Variants in ADAMTS19 observed in about 807,000 individuals in gnomAD.
ADAMTS19 encodes the protein ADAM metallopeptidase with thrombospondin type 1 motif 19.
ADAMTS19 carries 93 observed loss-of-function variants against 153.3 expected under a neutral mutation model. The ratio of observed to expected loss-of-function variants is 0.61; its 90% CI spans 0.51 to 0.72. ADAMTS19 has a LOEUF of 0.72. Ranked by LOEUF, ADAMTS19 falls within the 30% of genes least tolerant of loss-of-function variation. ADAMTS19 has a pLI of 0.00. For missense variants in ADAMTS19, 1,482 were observed against 1,552.1 expected (o/e 0.95, Z 0.76); for synonymous variants, 600 against 556.6 (o/e 1.08, Z -1.10).
chr5:129,621,752 T>C (rs1751785507), intron 9 of ADAMTS19, among the ~76,000 whole-genome samples: 1 of 152,178 alleles, frequency 6.6e-6, no homozygotes, highest in Non-Finnish European at 1.5e-5. Flanking sequence ...TACAAAGTTG[T>C]ATTACAATGT....
At chr5:129,507,288 A>G (rs1751295814) in intron 2 of ADAMTS19, among the ~76,000 whole-genome samples, 1 of 152,042 alleles carries the variant, frequency 6.6e-6, no homozygotes, top group African/African-American at 2.4e-5. Flanking sequence ...AGAATAACAT[A>G]TTTCTTTATT....
At chr5:129,481,590 A>C (rs759576624) in intron 2 of ADAMTS19, among the ~76,000 whole-genome samples, 33 of 152,186 alleles carry the variant, frequency 2.2e-4, no homozygotes, top group Non-Finnish European at 4.4e-4. Context: ...ACACTGTTAC[A>C]TTTCTTAACA....
intron 7 of ADAMTS19, among the ~76,000 whole-genome samples, chr5:129,561,269 C>T (rs1421102092): frequency 1.3e-5 from 2 of 152,122 alleles, no homozygotes; most frequent in African/African-American, 2.4e-5. Flanking sequence ...TATGTTATTA[C>T]GGTTGACCTG....
At chr5:129,489,847 G>T (rs1264518306) in intron 2 of ADAMTS19, among the ~76,000 whole-genome samples, 1 of 152,072 alleles carries the variant, frequency 6.6e-6, no homozygotes, top group Non-Finnish European at 1.5e-5. Context: ...TTAAGAATCA[G>T]TAAGATACTT....
At chr5:129,693,696 G>A (rs1296230660) in intron 18 of ADAMTS19, among the ~76,000 whole-genome samples, 1 of 152,002 alleles carries the variant, frequency 6.6e-6, no homozygotes, top group Non-Finnish European at 1.5e-5. Context: ...TATAACTCCT[G>A]TAAAGGAAGT....
chr5:129,589,411 A>G (rs945182508), intron 7 of ADAMTS19, among the ~76,000 whole-genome samples: 1 of 152,008 alleles, frequency 6.6e-6, no homozygotes, highest in African/African-American at 2.4e-5. Flanking sequence ...ATACATTATA[A>G]TTACATATAT....
chr5:129,468,935 C>T (rs1749968948), intron 2 of ADAMTS19, among the ~76,000 whole-genome samples: 1 of 152,014 alleles, frequency 6.6e-6, no homozygotes, highest in African/African-American at 2.4e-5. Context: ...TGCCACCACA[C>T]CCAGCTAATT....
At chr5:129,668,067 C>T (rs1014546927) in intron 16 of ADAMTS19, among the ~76,000 whole-genome samples, 3 of 152,192 alleles carry the variant, frequency 2.0e-5, no homozygotes, top group African/African-American at 7.2e-5. Context: ...TACACTATCT[C>T]TGGAGACTCT....
chr5:129,553,624 T>A (rs1259677876), intron 7 of ADAMTS19, among the ~76,000 whole-genome samples: 6 of 152,140 alleles, frequency 3.9e-5, no homozygotes, highest in Non-Finnish European at 8.8e-5. Context: ...GTTTTGCTGA[T>A]TCCTTAGGTT....
intron 6 of ADAMTS19, among the ~76,000 whole-genome samples, chr5:129,547,911 A>T (rs865916100): frequency 4.6e-5 from 7 of 151,040 alleles, no homozygotes; most frequent in African/African-American, 5.0e-5. Flanking sequence ...CCTGACAAAA[A>T]CAAGCAATGG....
chr5:129,626,474 T>C (rs1752054188), intron 10 of ADAMTS19, among the ~76,000 whole-genome samples: 1 of 152,102 alleles, frequency 6.6e-6, no homozygotes, highest in Non-Finnish European at 1.5e-5. Context: ...TGTTTCTCAG[T>C]ATCCTAGGAT....
chr5:129,592,236 C>T (rs1358590038), intron 7 of ADAMTS19, among the ~76,000 whole-genome samples: 7 of 151,658 alleles, frequency 4.6e-5, no homozygotes, highest in African/African-American at 1.7e-4. Context: ...ACAAATTAGC[C>T]GGGTATGGTG....
intron 6 of ADAMTS19, among the ~76,000 whole-genome samples, chr5:129,541,633 C>A (rs1382528005): frequency 2.6e-5 from 4 of 151,974 alleles, no homozygotes; most frequent in Non-Finnish European, 5.9e-5. Context: ...GCTCCTGAGA[C>A]CCTTACCACG....
At chr5:129,546,839 ATGGTTTT>A (rs1263788688) in intron 6 of ADAMTS19, among the ~76,000 whole-genome samples, 1 of 151,134 alleles carries the variant, frequency 6.6e-6, no homozygotes, top group Non-Finnish European at 1.5e-5. Flanking sequence ...ATAAGCCCTG[ATGGTTTT>A]TAAAAGAAAC....
chr5:129,503,005 C>T (rs1460252882), intron 2 of ADAMTS19, among the ~76,000 whole-genome samples: 2 of 152,278 alleles, frequency 1.3e-5, no homozygotes, highest in Non-Finnish European at 2.9e-5. Flanking sequence ...ATTGATAGCT[C>T]TTCACAGGCA....
chr5:129,535,835 G>A (rs1003608088), intron 6 of ADAMTS19, among the ~76,000 whole-genome samples: 1 of 152,090 alleles, frequency 6.6e-6, no homozygotes, highest in African/African-American at 2.4e-5. Flanking sequence ...TTAATAAATG[G>A]TGCTGGGAAA....
At chr5:129,630,688 G>T (rs1427139393) in intron 10 of ADAMTS19, among the ~76,000 whole-genome samples, 1 of 151,724 alleles carries the variant, frequency 6.6e-6, no homozygotes, top group African/African-American at 2.4e-5. Flanking sequence ...TAGGACACCA[G>T]GAGCATGAAC....
intron 21 of ADAMTS19, among the ~76,000 whole-genome samples, chr5:129,704,729 A>T (rs889583924): frequency 6.6e-6 from 1 of 152,186 alleles, no homozygotes; most frequent in African/African-American, 2.4e-5. Context: ...ACTGTCAGAC[A>T]AGTCAATTCA....
intron 2 of ADAMTS19, among the ~76,000 whole-genome samples, chr5:129,462,686 T>C (rs1276588932): frequency 6.6e-6 from 1 of 152,200 alleles, no homozygotes. Context: ...GTACGTGGCA[T>C]TAAGTACATT....
Sources: gnomAD v4.1 joint callset for allele counts (sites outside exome capture counted in the v4.1 genomes callset) on GRCh38, gnomAD v4.1.1 for gene constraint, MANE v1.5 for transcripts, NCBI Gene and HGNC (gene_info 2026-07-23, HGNC 2026-07-21) for gene names.